The following DNAH14 variants were observed in gnomAD, a reference collection of about 807,000 sequenced individuals.
The protein encoded by DNAH14 is dynein axonemal heavy chain 14.
DNAH14 carries 478 observed loss-of-function variants against 520.9 expected under a neutral mutation model. That is an observed-to-expected ratio of 0.92 (90% CI 0.85 to 0.99). DNAH14 has a LOEUF of 0.99. Among genes scored for constraint, DNAH14 ranks in the 50% least tolerant of loss-of-function variants. The pLI is 0.00. For synonymous variants in DNAH14, 1,581 were observed against 1,757.2 expected (o/e 0.90, Z 2.51); for missense variants, 4,831 against 5,234.5 (o/e 0.92, Z 2.38).
chr1:225,210,114 C>T (rs923783820), intron 41 of DNAH14, among the ~76,000 whole-genome samples: 4 of 147,572 alleles, frequency 2.7e-5, no homozygotes, highest in African/African-American at 1.0e-4. Flanking sequence ...AGTTTTTCTT[C>T]GTACCCCAGT....
intron 21 of DNAH14, among the ~76,000 whole-genome samples, chr1:225,090,058 AT>A (rs1391494434): frequency 6.6e-6 from 1 of 152,214 alleles, no homozygotes; most frequent in Non-Finnish European, 1.5e-5. Context: ...ATGTAAAAAA[AT>A]CAAACAAAAT....
rs994333432 is a variant in DNAH14 at position 225,044,027 on chromosome 1, C to A, written c.1912+44C>A. The A allele has an allele frequency of 6.6e-6, 8 of 1,216,494 alleles. No homozygotes were observed. In the African/African-American group the frequency reaches 9.3e-5, roughly 14 times the overall value. The allele number at this position is 1,216,494 out of a possible 1,614,324, so 75.4% of individuals were successfully genotyped here. A position where few individuals can be genotyped will look rare whatever the true frequency, so the allele number is the denominator to read the frequency against. ...TAGTGAAATGCATTGTCTTCTTTGG[C>A]AATATTTTTTTAAATTTAAGCATCT... On this transcript the variant is annotated intron_variant, in intron 15 of 85. Coordinates refer to ENST00000682510, the MANE Select transcript of DNAH14 (RefSeq NM_001367479.1).
At position 225,308,313 on chromosome 1, in the gene DNAH14, G is replaced by A. The variant is rs183261121; in HGVS notation, c.9143G>A (p.Arg3048Gln). The change falls in exon 60 of 86, where the codon CGG (arginine) becomes CAG (glutamine). Residue 3048 changes from arginine to glutamine, a missense_variant. Coordinates refer to ENST00000682510, the MANE Select transcript of DNAH14 (RefSeq NM_001367479.1). ...ACAGAAACTCTAATGGAAAAACTACGGAAAGATTCACAAGTAGTTGAGAAA... is the reference window on the plus strand; with the variant it reads ...ACAGAAACTCTAATGGAAAAACTACAGAAAGATTCACAAGTAGTTGAGAAA... ...KETETLMEKLRKDSQVVEKVQ... is the reference protein window; with the variant it reads ...KETETLMEKLQKDSQVVEKVQ... The A allele has an allele frequency of 1.7e-4, 267 of 1,539,372 alleles. 2 individuals are homozygous for A. Among genetic ancestry groups the A allele is most frequent in the South Asian group, 9.5e-4 (76 of 80,192 alleles).
At chr1:224,944,347 G>T (rs1248318575) in intron 1 of DNAH14, among the ~76,000 whole-genome samples, 3 of 152,060 alleles carry the variant, frequency 2.0e-5, no homozygotes, top group African/African-American at 4.8e-5. Flanking sequence ...TTGCTTGGTA[G>T]ATCTTCCTCC....
At chr1:224,963,506 A>G (rs932617926) in intron 4 of DNAH14, among the ~76,000 whole-genome samples, 1 of 152,232 alleles carries the variant, frequency 6.6e-6, no homozygotes, top group East Asian at 1.9e-4. Flanking sequence ...TTATTGAATA[A>G]TCGCTCTGTT....
In DNAH14 at chr1:225,087,038, CCTTCTA is replaced by C. The variant is rs144647822; in HGVS notation, c.3573+1256_3573+1261del. On this transcript the variant is annotated intron_variant, in intron 21 of 85. Transcript: ENST00000682510. ...CACACACACACACACACACACACAG[CCTTCTA>C]CTTCTAAGCAAGATGGAGTTTGGGG... Among the ~76,000 whole-genome samples, 1,201 of 133,034 alleles carry C rather than the reference CCTTCTA, an allele frequency of 9.0e-3. 7 individuals are homozygous for C. The highest frequency in any genetic ancestry group is 0.013 in the Non-Finnish European group (782 of 62,464). 87.3% of individuals were successfully genotyped at this position (133,034 alleles called of 152,430 possible). A position where few individuals can be genotyped will look rare whatever the true frequency, so the allele number is the denominator to read the frequency against.
intron 1 of DNAH14, among the ~76,000 whole-genome samples, 181 bp from the exon 2 acceptor site, chr1:224,952,489 A>T (rs1231233284): frequency 6.6e-6 from 1 of 152,232 alleles, no homozygotes; most frequent in Non-Finnish European, 1.5e-5. Flanking sequence ...TTGCCCTGAG[A>T]AGGCTAACTA....
At chr1:224,946,454 A>G (rs2059836982) in intron 1 of DNAH14, among the ~76,000 whole-genome samples, 1 of 152,000 alleles carries the variant, frequency 6.6e-6, no homozygotes, top group Admixed American at 6.6e-5. Context: ...GCTTCGGCTC[A>G]CGCTCGGTGT....
At chr1:225,178,253 T>G (rs1340328594) in intron 36 of DNAH14, among the ~76,000 whole-genome samples, 3 of 152,094 alleles carry the variant, frequency 2.0e-5, no homozygotes, top group Non-Finnish European at 4.4e-5. Context: ...TACCCAAGAC[T>G]GGGAAGAAAA....
rs908448332 is a variant in DNAH14, at chr1:225,272,820, T to C, written c.7840-135T>C. The C allele has an allele frequency of 7.9e-6, 7 of 891,334 alleles. No homozygotes were observed. In the African/African-American group the frequency reaches 1.0e-4, roughly 13 times the overall value. 55.2% of individuals were successfully genotyped at this position (891,334 alleles called of 1,614,324 possible). On this transcript the variant is annotated intron_variant, in intron 51 of 85. Transcript: ENST00000682510. ...CATCAAAGCTTCAGATTATCACTTG[T>C]AGAAATTCACAATTCTTACCTTGGA...
At chr1:225,358,730 A>G in intron 74 of DNAH14, 78 bp downstream of exon 74, 1 of 1,387,624 alleles carries the variant, frequency 7.2e-7, no homozygotes, top group Non-Finnish European at 9.7e-7. Context: ...CTTGAATTGT[A>G]ATCCCCATAA....
chr1:225,337,642 G>A (rs928791442), intron 67 of DNAH14, 146 bp downstream of exon 67: 2 of 659,686 alleles, frequency 3.0e-6, no homozygotes, highest in Non-Finnish European at 5.3e-6. Flanking sequence ...TACAGACAGA[G>A]AGTGAGTTTT....
chr1:225,392,709 C>T (rs187950380), intron 84 of DNAH14, among the ~76,000 whole-genome samples: 2 of 152,194 alleles, frequency 1.3e-5, no homozygotes, highest in African/African-American at 2.4e-5. Context: ...TCTAAGTATC[C>T]CCTATTATAA....
chr1:225,305,183 C>T (rs1031277359), intron 58 of DNAH14, 94 bp downstream of exon 58: 15 of 1,375,950 alleles, frequency 1.1e-5, no homozygotes, highest in Admixed American at 3.2e-5. Context: ...CCAAATCTGC[C>T]TTTTTGGTGG....
At chr1:224,988,064 C>G (rs1021905665) in intron 8 of DNAH14, among the ~76,000 whole-genome samples, 8 of 149,464 alleles carry the variant, frequency 5.4e-5, no homozygotes, top group Admixed American at 4.7e-4. Flanking sequence ...CCCACCTCTA[C>G]CTCCAAGCAG....
intron 42 of DNAH14, among the ~76,000 whole-genome samples, chr1:225,233,915 T>C (rs1257371861): frequency 6.6e-6 from 1 of 152,200 alleles, no homozygotes; most frequent in African/African-American, 2.4e-5. Flanking sequence ...GTTTTTATAG[T>C]TTTTGGTTTT....
intron 17 of DNAH14, among the ~76,000 whole-genome samples, chr1:225,078,961 T>G (rs1350674031): frequency 6.6e-6 from 1 of 151,648 alleles, no homozygotes; most frequent in Admixed American, 6.6e-5. Flanking sequence ...TGATTGTAGA[T>G]TTCCTGAGGC....
At chr1:225,050,554 T>G (rs2068440130) in intron 16 of DNAH14, among the ~76,000 whole-genome samples, 178 bp downstream of exon 16, 1 of 152,236 alleles carries the variant, frequency 6.6e-6, no homozygotes, top group Non-Finnish European at 1.5e-5. Context: ...CTCACCTCTG[T>G]GTGATTTTTC....
rs1312863533 is a variant in DNAH14 at position 225,215,070 on chromosome 1, C to T, written c.6439+7850C>T. On this transcript the variant is annotated intron_variant, in intron 41 of 85. Transcript: ENST00000682510. ...AGTACTATAAATTTCCCTCTACACA[C>T]TGCTTTAAATGTGTTCCAGAGATTC... is the stretch of plus-strand genomic sequence containing the variant. Among the ~76,000 whole-genome samples, 3 of 152,212 alleles carry T rather than the reference C, an allele frequency of 2.0e-5. No homozygotes were observed. The East Asian group carries it at 5.8e-4, about 29-fold the overall frequency.
Sources: gnomAD v4.1 joint callset for allele counts (sites outside exome capture counted in the v4.1 genomes callset) on GRCh38, gnomAD v4.1.1 for gene constraint, MANE v1.5 for transcripts, NCBI Gene and HGNC (gene_info 2026-07-23, HGNC 2026-07-21) for gene names.